Variants in ZNG1E observed in about 807,000 individuals in gnomAD.
ZNG1E encodes Zn regulated GTPase metalloprotein activator 1E, also known as zinc-regulated GTPase metalloprotein activator 1E.
chr9:65,680,937 C>T, the ZNG1E span, among the ~76,000 whole-genome samples: 134 of 152,224 alleles, frequency 8.8e-4, no homozygotes, highest in South Asian at 9.4e-3. Flanking sequence ...TACAGGTGCC[C>T]GCTACCACAC....
the ZNG1E span, among the ~76,000 whole-genome samples, chr9:65,720,972 T>TA: frequency 0.061 from 8,365 of 137,204 alleles, 203 homozygotes; most frequent in African/African-American, 0.16. Context: ...GAATTTATGG[T>TA]AAAAAAAAAA....
At chr9:65,710,755 T>C in the ZNG1E span, among the ~76,000 whole-genome samples, 1 of 149,620 alleles carries the variant, frequency 6.7e-6, no homozygotes, top group Non-Finnish European at 1.5e-5. Context: ...TTGGTTACTG[T>C]AGCCTTGTAG....
the ZNG1E span, among the ~76,000 whole-genome samples, chr9:65,665,292 TG>T: frequency 6.6e-6 from 1 of 152,264 alleles, no homozygotes; most frequent in African/African-American, 2.4e-5. Flanking sequence ...AGGGTCCCTC[TG>T]CTGTATGCAG....
the ZNG1E span, chr9:65,676,971 G>C: frequency 3.7e-6 from 1 of 272,342 alleles, no homozygotes; most frequent in Admixed American, 7.3e-5. Context: ...TTGTGTGCTA[G>C]AGACAGGTAC....
the ZNG1E span, chr9:65,679,594 CGCCAG>C: frequency 2.7e-6 from 1 of 375,514 alleles, no homozygotes; most frequent in Non-Finnish European, 4.8e-6. Context: ...CTCTCTCTGT[CGCCAG>C]GCTGGAGTGC....
chr9:65,716,617 C>T, the ZNG1E span, among the ~76,000 whole-genome samples: 1 of 150,208 alleles, frequency 6.7e-6, no homozygotes, highest in South Asian at 2.1e-4. Flanking sequence ...TTTTATTGGA[C>T]CCCTTTTACT....
At chr9:65,714,693 C>A in the ZNG1E span, among the ~76,000 whole-genome samples, 2 of 147,136 alleles carry the variant, frequency 1.4e-5, no homozygotes, top group South Asian at 4.2e-4. Flanking sequence ...AGTTACCTCC[C>A]AGGGGGTGAC....
chr9:65,683,795 G>A, the ZNG1E span, among the ~76,000 whole-genome samples: 1 of 152,264 alleles, frequency 6.6e-6, no homozygotes. Context: ...ATTGAATTAG[G>A]CTATTTTGGT....
At chr9:65,714,674 G>C in the ZNG1E span, among the ~76,000 whole-genome samples, 1 of 151,962 alleles carries the variant, frequency 6.6e-6, no homozygotes, top group African/African-American at 2.4e-5. Flanking sequence ...CTGCTAGGGG[G>C]TGCCTCCCAG....
At chr9:65,719,390 C>T in the ZNG1E span, 1 of 133,458 alleles carries the variant, frequency 7.5e-6, no homozygotes, top group Non-Finnish European at 1.6e-5. Flanking sequence ...TCCTTTCCCC[C>T]TCCCGTCCTG....
the ZNG1E span, among the ~76,000 whole-genome samples, chr9:65,665,501 G>C: frequency 6.6e-6 from 1 of 152,272 alleles, no homozygotes; most frequent in Middle Eastern, 3.4e-3. Context: ...TTGCTGTAGG[G>C]GTGGGTCCCT....
the ZNG1E span, among the ~76,000 whole-genome samples, chr9:65,693,982 G>A: frequency 0.019 from 2,723 of 145,812 alleles, 10 homozygotes; most frequent in Admixed American, 0.022. Context: ...TCTCTCCCTC[G>A]TTGATAGAGT....
chr9:65,661,503 G>T, the ZNG1E span, among the ~76,000 whole-genome samples: 2 of 152,332 alleles, frequency 1.3e-5, no homozygotes, highest in Middle Eastern at 3.4e-3. Flanking sequence ...GATAATTTAG[G>T]TTCTGCTAAT....
the ZNG1E span, chr9:65,681,520 T>A: frequency 7.1e-7 from 1 of 1,410,330 alleles, no homozygotes; most frequent in Non-Finnish European, 9.5e-7. Context: ...TCATCTTTGT[T>A]TTTTGTTGGC....
At chr9:65,660,679 A>G in the ZNG1E span, among the ~76,000 whole-genome samples, 17 of 151,232 alleles carry the variant, frequency 1.1e-4, no homozygotes, top group African/African-American at 1.9e-4. Context: ...GTGTGATTCA[A>G]TAGGGAATAG....
chr9:65,676,753 A>AC, the ZNG1E span, among the ~76,000 whole-genome samples: 4 of 148,628 alleles, frequency 2.7e-5, no homozygotes, highest in African/African-American at 1.0e-4. Context: ...GATACTCGAA[A>AC]CCACAAGTTT....
At chr9:65,707,871 T>C in the ZNG1E span, 1 of 142,934 alleles carries the variant, frequency 7.0e-6, no homozygotes, top group Non-Finnish European at 1.5e-5. Context: ...TTTTTTTTTT[T>C]TTTCTTTTGA....
the ZNG1E span, among the ~76,000 whole-genome samples, chr9:65,686,841 A>G: frequency 0.01 from 1,559 of 152,142 alleles, 1 homozygote; most frequent in African/African-American, 0.036. Context: ...TTTCTTCTCT[A>G]GCTTCCTCAC....
chr9:65,659,428 G>T, the ZNG1E span, among the ~76,000 whole-genome samples: 1 of 151,356 alleles, frequency 6.6e-6, no homozygotes, highest in African/African-American at 2.4e-5. Flanking sequence ...CCAGGAGGTG[G>T]AGGTTGCAGT....
Sources: gnomAD v4.1 joint callset for allele counts (sites outside exome capture counted in the v4.1 genomes callset) on GRCh38, gnomAD v4.1.1 for gene constraint, MANE v1.5 for transcripts, NCBI Gene and HGNC (gene_info 2026-07-23, HGNC 2026-07-21) for gene names.